The following LINGO2 variants were observed in gnomAD, a reference collection of about 807,000 sequenced individuals.
LINGO2 encodes the protein leucine rich repeat and Ig domain containing 2, also known as leucine-rich repeat and immunoglobulin-like domain-containing nogo receptor-interacting protein 2.
In LINGO2, 14 loss-of-function variants were observed where a neutral mutation model predicts 30.6. The ratio of observed to expected loss-of-function variants is 0.46; its 90% CI spans 0.30 to 0.72. The LOEUF is 0.72. LINGO2 is among the 30% of genes least tolerant of loss of function. LINGO2 has a pLI of 0.07. For synonymous variants in LINGO2, 317 were observed against 288.5 expected (o/e 1.10, Z -1.00); for missense variants, 729 against 751.7 (o/e 0.97, Z 0.35).
the LINGO2 span, among the ~76,000 whole-genome samples, chr9:28,884,928 A>C: frequency 3.2e-4 from 1 of 3,124 alleles, no homozygotes; most frequent in Admixed American, 4.3e-3. Flanking sequence ...ACTATATATA[A>C]TATTATATAT....
intron 5 of LINGO2, among the ~76,000 whole-genome samples, chr9:27,951,721 A>G (rs1819323077): frequency 2.0e-5 from 3 of 152,158 alleles, no homozygotes; most frequent in Admixed American, 6.5e-5. Flanking sequence ...TTTATCCACG[A>G]ACACCATATT....
chr9:29,089,219 T>A, the LINGO2 span, among the ~76,000 whole-genome samples: 18 of 151,438 alleles, frequency 1.2e-4, no homozygotes, highest in African/African-American at 4.1e-4. Flanking sequence ...ATCATCAACA[T>A]AATATTATTT....
intron 5 of LINGO2, among the ~76,000 whole-genome samples, chr9:27,984,478 A>G (rs1821031029): frequency 6.6e-6 from 1 of 151,846 alleles, no homozygotes; most frequent in Non-Finnish European, 1.5e-5. Flanking sequence ...AACTTCCTTC[A>G]AAGCTCTGAG....
At chr9:27,951,607 T>C (rs1198912730) in intron 5 of LINGO2, among the ~76,000 whole-genome samples, 1 of 152,044 alleles carries the variant, frequency 6.6e-6, no homozygotes, top group Non-Finnish European at 1.5e-5. Context: ...GGGAAATGAG[T>C]ATGTTTTAAA....
At chr9:28,848,286 T>TATATAC in the LINGO2 span, among the ~76,000 whole-genome samples, 15 of 95,454 alleles carry the variant, frequency 1.6e-4, no homozygotes, top group African/African-American at 7.0e-4. Flanking sequence ...ATATACACTA[T>TATATAC]GCATATATAT....
chr9:28,983,710 C>T, the LINGO2 span, among the ~76,000 whole-genome samples: 1 of 151,848 alleles, frequency 6.6e-6, no homozygotes, highest in African/African-American at 2.4e-5. Flanking sequence ...CGATTGCATC[C>T]ATACAGTACC....
chr9:29,197,581 G>C, the LINGO2 span, among the ~76,000 whole-genome samples: 1 of 152,022 alleles, frequency 6.6e-6, no homozygotes, highest in Non-Finnish European at 1.5e-5. Flanking sequence ...AAGCAATTAA[G>C]TGTTTCAATT....
the LINGO2 span, among the ~76,000 whole-genome samples, chr9:28,775,899 GA>G: frequency 6.6e-6 from 1 of 152,028 alleles, no homozygotes; most frequent in Admixed American, 6.6e-5. Flanking sequence ...TGAGAATAAT[GA>G]AAAAAATTGT....
chr9:28,708,660 G>A, the LINGO2 span, among the ~76,000 whole-genome samples: 142 of 152,092 alleles, frequency 9.3e-4, no homozygotes, highest in African/African-American at 3.1e-3. Context: ...AACCACCTAT[G>A]TACACGGTGC....
chr9:28,796,287 C>T, the LINGO2 span, among the ~76,000 whole-genome samples: 1 of 152,078 alleles, frequency 6.6e-6, no homozygotes, highest in Non-Finnish European at 1.5e-5. Context: ...AAAAACAGAA[C>T]ACTATCGCTT....
chr9:28,166,819 T>G (rs1828440314), intron 4 of LINGO2, among the ~76,000 whole-genome samples: 1 of 152,102 alleles, frequency 6.6e-6, no homozygotes, highest in South Asian at 2.1e-4. Context: ...CAGAGTGAAT[T>G]TATGGATTCT....
intron 2 of LINGO2, among the ~76,000 whole-genome samples, chr9:28,433,865 T>C (rs922532423): frequency 6.6e-6 from 1 of 151,248 alleles, no homozygotes; most frequent in Non-Finnish European, 1.5e-5. Context: ...TGCAAAGATA[T>C]AGAACCAACC....
chr9:28,125,033 C>A (rs1462525354), intron 4 of LINGO2, among the ~76,000 whole-genome samples: 2 of 152,196 alleles, frequency 1.3e-5, no homozygotes, highest in African/African-American at 4.8e-5. Flanking sequence ...AATGCCATTT[C>A]AAATCTCTTG....
intron 1 of LINGO2, among the ~76,000 whole-genome samples, chr9:28,479,845 C>CTGTGTGTGTGTGTGTGTGTGTG (rs528584169): frequency 1.7e-5 from 1 of 60,138 alleles, no homozygotes; most frequent in Non-Finnish European, 3.5e-5. Flanking sequence ...ACCATGTCAT[C>CTGTGTGTGTGTGTGTGTGTGTG]TGTGTGTGTG....
intron 4 of LINGO2, among the ~76,000 whole-genome samples, chr9:28,157,640 A>T (rs928293845): frequency 5.9e-5 from 9 of 152,186 alleles, no homozygotes; most frequent in Admixed American, 6.5e-5. Context: ...AAATTTTCTG[A>T]ACTTTTATGT....
At chr9:28,218,370 T>A (rs4305988) in intron 4 of LINGO2, among the ~76,000 whole-genome samples, 2 of 151,324 alleles carry the variant, frequency 1.3e-5, no homozygotes. Context: ...ACGAAGTGGA[T>A]CATGCCCTCC....
intron 4 of LINGO2, among the ~76,000 whole-genome samples, chr9:28,275,322 C>T (rs1286729471): frequency 2.0e-5 from 3 of 152,046 alleles, no homozygotes; most frequent in Non-Finnish European, 2.9e-5. Context: ...ATCCGCCTAC[C>T]TTGGCCTCCC....
chr9:29,189,894 C>G, the LINGO2 span, among the ~76,000 whole-genome samples: 351 of 151,510 alleles, frequency 2.3e-3, 4 homozygotes, highest in Non-Finnish European at 1.8e-3. Flanking sequence ...CGCCTGCAAT[C>G]GCAGGCACTC....
At chr9:28,388,136 C>T (rs2134671712) in intron 2 of LINGO2, among the ~76,000 whole-genome samples, 1 of 152,280 alleles carries the variant, frequency 6.6e-6, no homozygotes, top group Admixed American at 6.5e-5. Context: ...GGTTAATAAC[C>T]TCTAACATCC....
Sources: allele counts gnomAD v4.1 joint callset (sites outside exome capture counted in the v4.1 genomes callset), GRCh38; gene constraint gnomAD v4.1.1; transcripts MANE v1.5; gene names NCBI Gene and HGNC (gene_info 2026-07-23, HGNC 2026-07-21).